PMFBP1: variants seen among roughly 807,000 people sequenced by gnomAD.
PMFBP1 encodes the protein polyamine-modulated factor 1-binding protein 1.
Under a neutral mutation model 137.8 loss-of-function variants are expected in PMFBP1, and 131 were observed. The ratio of observed to expected loss-of-function variants is 0.95; its 90% CI spans 0.82 to 1.10. The LOEUF is 1.10. PMFBP1 is among the 50% of genes least tolerant of loss of function. The pLI, the probability that PMFBP1 is intolerant of heterozygous loss-of-function variation, is 0.00. For synonymous variants in PMFBP1, 490 were observed against 450.4 expected (o/e 1.09, Z -1.11); for missense variants, 1,199 against 1,175.4 (o/e 1.02, Z -0.29).
the PMFBP1 span, among the ~76,000 whole-genome samples, chr16:72,226,081 T>A: frequency 6.6e-6 from 1 of 152,034 alleles, no homozygotes; most frequent in Non-Finnish European, 1.5e-5. Context: ...AACATGGTCA[T>A]CCCCAGCTGA....
chr16:72,217,503 G>A, the PMFBP1 span, among the ~76,000 whole-genome samples: 1 of 152,140 alleles, frequency 6.6e-6, no homozygotes, highest in Non-Finnish European at 1.5e-5. Context: ...GAATGTAATG[G>A]CTACAGACAC....
At chr16:72,227,963 G>A in the PMFBP1 span, among the ~76,000 whole-genome samples, 3 of 152,184 alleles carry the variant, frequency 2.0e-5, no homozygotes, top group Non-Finnish European at 2.9e-5. Flanking sequence ...ACACCTAAAC[G>A]CCAAGTGAAA....
the PMFBP1 span, among the ~76,000 whole-genome samples, chr16:72,185,868 T>G: frequency 6.6e-6 from 1 of 152,118 alleles, no homozygotes; most frequent in Non-Finnish European, 1.5e-5. Context: ...TCTCCAGAGG[T>G]AGACCAATAT....
rs1296867066 is a variant in PMFBP1, at chr16:72,140,430, C to T, written c.789G>A (p.Leu263=). The T allele has an allele frequency of 1.2e-6, 2 of 1,613,830 alleles. No individual in the cohort carries two copies. The highest frequency in any genetic ancestry group is 2.2e-5 in the East Asian group (1 of 44,892). Residue 263 remains leucine, a synonymous_variant, in exon 6 of 21, where the codon CTG becomes CTA. Coordinates refer to ENST00000237353, the MANE Select transcript of PMFBP1 (RefSeq NM_031293.3). ...CACTTACCAAAGCGTTACTGCAGGC[C>T]AGCTTATTTCGAAGTTCTTGAATGA... ...DDLIQELRNK[L]ACSNALVLER... is the part of the protein sequence containing the mutation.
chr16:72,212,321 G>A, the PMFBP1 span, among the ~76,000 whole-genome samples: 5 of 152,104 alleles, frequency 3.3e-5, no homozygotes, highest in South Asian at 8.3e-4. Flanking sequence ...ATTATAGCAA[G>A]ATGTAATAGA....
the PMFBP1 span, among the ~76,000 whole-genome samples, chr16:72,243,644 G>A: frequency 6.6e-6 from 1 of 152,134 alleles, no homozygotes; most frequent in Admixed American, 6.5e-5. Flanking sequence ...TTTATTGATG[G>A]AGGAAGGGAG....
chr16:72,211,631 G>C, the PMFBP1 span, among the ~76,000 whole-genome samples: 1 of 152,190 alleles, frequency 6.6e-6, no homozygotes, highest in Non-Finnish European at 1.5e-5. Flanking sequence ...CATATCTTTA[G>C]AGAGATTTGA....
intron 18 of PMFBP1, 96 bp from the exon 19 acceptor site, chr16:72,123,084 A>C: frequency 9.0e-7 from 1 of 1,109,926 alleles, no homozygotes. Flanking sequence ...TCTCAGCAAG[A>C]CTGCTGCTGC....
the PMFBP1 span, among the ~76,000 whole-genome samples, chr16:72,220,329 T>C: frequency 1.3e-5 from 2 of 152,182 alleles, no homozygotes; most frequent in African/African-American, 2.4e-5. Context: ...ATCTGCTAGA[T>C]GGAATATTAA....
At chr16:72,235,556 A>G in the PMFBP1 span, among the ~76,000 whole-genome samples, 1 of 151,778 alleles carries the variant, frequency 6.6e-6, no homozygotes. Context: ...TCTGAAATCA[A>G]GCACCTGGGA....
Position 72,119,283 on chromosome 16 carries a change from C to T in PMFBP1, c.*55G>A. 1.9e-6 allele frequency: 3 copies of T among 1,575,132 alleles called. No individual in the cohort carries two copies. Among genetic ancestry groups the T allele is most frequent in the Non-Finnish European group, 2.6e-6 (3 of 1,144,742 alleles). On this transcript the variant is annotated 3_prime_UTR_variant, in exon 21 of 21. Coordinates refer to ENST00000237353, the MANE Select transcript of PMFBP1 (RefSeq NM_031293.3). ...CAAGAGAGAGGGAGGGCTGGGAACT[C>T]ACTGTCCTCTGAAGAAACACCCGTG...
At chr16:72,190,027 C>A in the PMFBP1 span, among the ~76,000 whole-genome samples, 1 of 152,084 alleles carries the variant, frequency 6.6e-6, no homozygotes, top group East Asian at 1.9e-4. Flanking sequence ...GAAAAAAAAT[C>A]TCAAAAAACC....
chr16:72,243,484 C>G, the PMFBP1 span, among the ~76,000 whole-genome samples: 1 of 152,190 alleles, frequency 6.6e-6, no homozygotes, highest in African/African-American at 2.4e-5. Flanking sequence ...TTGCATTCCA[C>G]CAATTGTGCA....
the PMFBP1 span, among the ~76,000 whole-genome samples, chr16:72,222,647 C>T: frequency 1.4e-4 from 22 of 152,130 alleles, no homozygotes; most frequent in African/African-American, 5.3e-4. Context: ...GTTAGACTGC[C>T]GACTCTCCCA....
chr16:72,118,751 C>G (rs956896854), downstream of PMFBP1, among the ~76,000 whole-genome samples: 4 of 92,638 alleles, frequency 4.3e-5, no homozygotes, highest in African/African-American at 1.5e-4. Flanking sequence ...GAATGTGGAG[C>G]CCGGTGGTGG....
chr16:72,210,917 C>G, the PMFBP1 span, among the ~76,000 whole-genome samples: 2 of 152,134 alleles, frequency 1.3e-5, no homozygotes, highest in African/African-American at 2.4e-5. Flanking sequence ...TTTTGTAGCC[C>G]AAGATTACCA....
rs1216147786 is a variant in PMFBP1, at chr16:72,150,774, A to T, written c.470T>A (p.Leu157His). Residue 157 changes from leucine to histidine, a missense_variant, in exon 5 of 21, where the codon CTC becomes CAC. Transcript: ENST00000237353. ...GNHNENTGEK[L>H]HLAQEQLALA... Reference sequence around the variant, plus strand: ...GGCGAGTTGCTCCTGCGCCAAATGGAGCTTCTCCCCTGTGTTCTCGTTGTG... The same window carrying T: ...GGCGAGTTGCTCCTGCGCCAAATGGTGCTTCTCCCCTGTGTTCTCGTTGTG... 1.2e-6 allele frequency: 2 copies of T among 1,614,132 alleles called. No homozygotes were observed. Among genetic ancestry groups the T allele is most frequent in the African/African-American group, 1.3e-5 (1 of 75,038 alleles).
the PMFBP1 span, among the ~76,000 whole-genome samples, chr16:72,237,034 C>G: frequency 1.3e-5 from 2 of 152,182 alleles, no homozygotes; most frequent in African/African-American, 4.8e-5. Context: ...CATGACTCCT[C>G]TTGATCCAGA....
chr16:72,146,131 T>C (rs1321669532), intron 5 of PMFBP1, among the ~76,000 whole-genome samples: 1 of 152,160 alleles, frequency 6.6e-6, no homozygotes, highest in African/African-American at 2.4e-5. Flanking sequence ...CTCAATAAAA[T>C]ACTGGCAAAC....
Sources: allele counts gnomAD v4.1 joint callset (sites outside exome capture counted in the v4.1 genomes callset), GRCh38; gene constraint gnomAD v4.1.1; transcripts MANE v1.5; gene names NCBI Gene and HGNC (gene_info 2026-07-23, HGNC 2026-07-21).